The following ROBO2 variants were observed in gnomAD, a reference collection of about 807,000 sequenced individuals.
ROBO2 encodes the protein roundabout guidance receptor 2.
A neutral mutation model predicts 160.8 loss-of-function variants in ROBO2; 53 were observed. The ratio of observed to expected loss-of-function variants is 0.33; its 90% confidence interval spans 0.26 to 0.41. ROBO2 has a LOEUF of 0.41. Among genes scored for constraint, ROBO2 ranks in the 10% least tolerant of loss-of-function variants. The pLI, the probability that ROBO2 is intolerant of heterozygous loss-of-function variation, is 1.00. For synonymous variants in ROBO2, 664 were observed against 611.7 expected, an observed-to-expected ratio of 1.09 and a Z score of -1.26; for missense variants, 1,577 against 1,722.4, an observed-to-expected ratio of 0.92 and a Z score of 1.49.
intron 5 of ROBO2, among the ~76,000 whole-genome samples, chr3:77,510,446 C>T (rs891414577): frequency 6.6e-6 from 1 of 151,886 alleles, no homozygotes; most frequent in Admixed American, 6.6e-5. Context: ...GACATTTGAA[C>T]CTCAGATTTC....
intron 1 of ROBO2, among the ~76,000 whole-genome samples, chr3:77,070,506 T>C (rs2067296318): frequency 6.6e-6 from 1 of 152,138 alleles, no homozygotes; most frequent in Non-Finnish European, 1.5e-5. Flanking sequence ...CATCCTTCCC[T>C]TAATTATAGA....
intron 2 of ROBO2, among the ~76,000 whole-genome samples, chr3:76,785,000 G>C (rs924493392): frequency 2.6e-5 from 4 of 151,190 alleles, no homozygotes; most frequent in Admixed American, 1.3e-4. Context: ...AAATCACTCA[G>C]TTGTACTTTG....
chr3:77,521,387 T>G (rs1177252189), intron 5 of ROBO2, among the ~76,000 whole-genome samples: 1 of 151,228 alleles, frequency 6.6e-6, no homozygotes, highest in Non-Finnish European at 1.5e-5. Context: ...TCTGCCTTCA[T>G]CAAAATAGAT....
intron 6 of ROBO2, among the ~76,000 whole-genome samples, chr3:77,532,437 C>T (rs925730880): frequency 2.6e-5 from 4 of 152,102 alleles, no homozygotes; most frequent in African/African-American, 9.7e-5. Context: ...CAACAAGCCA[C>T]TTGAATCTGC....
intron 6 of ROBO2, among the ~76,000 whole-genome samples, chr3:77,532,968 T>C (rs2091856393): frequency 6.6e-6 from 1 of 152,166 alleles, no homozygotes; most frequent in South Asian, 2.1e-4. Flanking sequence ...ATGAATTAAA[T>C]AAGTAATTGG....
intron 1 of ROBO2, among the ~76,000 whole-genome samples, chr3:77,042,468 T>G (rs2064197386): frequency 6.6e-6 from 1 of 152,202 alleles, no homozygotes; most frequent in Non-Finnish European, 1.5e-5. Context: ...ACTACAAAAT[T>G]ATCACCAAGG....
chr3:77,277,107 A>C (rs1427284597), intron 2 of ROBO2, among the ~76,000 whole-genome samples: 1 of 151,610 alleles, frequency 6.6e-6, no homozygotes, highest in Non-Finnish European at 1.5e-5. Flanking sequence ...GAGAGAGAGA[A>C]ATAAAAATGC....
chr3:77,019,382 C>T (rs1311350112), intron 2 of ROBO2, among the ~76,000 whole-genome samples: 1 of 152,168 alleles, frequency 6.6e-6, no homozygotes, highest in Non-Finnish European at 1.5e-5. Flanking sequence ...CGCAGGACAT[C>T]ATCATCCCCC....
chr3:76,708,757 A>G (rs957139194), intron 2 of ROBO2, among the ~76,000 whole-genome samples: 2 of 152,226 alleles, frequency 1.3e-5, no homozygotes, highest in Admixed American at 1.3e-4. Context: ...CTCTGGCAGA[A>G]CCAGAATGAA....
intron 1 of ROBO2, among the ~76,000 whole-genome samples, chr3:77,066,746 A>G (rs1317911178): frequency 1.3e-5 from 2 of 152,092 alleles, no homozygotes; most frequent in Non-Finnish European, 2.9e-5. Flanking sequence ...TAGGCAATCT[A>G]AAGAATTTGT....
chr3:76,689,808 A>T (rs569761530), intron 2 of ROBO2, among the ~76,000 whole-genome samples: 1 of 152,110 alleles, frequency 6.6e-6, no homozygotes, highest in South Asian at 2.1e-4. Context: ...TTGCCCATCC[A>T]GTTCCCCGTT....
chr3:76,027,286 A>G (rs1286460932), intron 2 of ROBO2, among the ~76,000 whole-genome samples: 1 of 151,864 alleles, frequency 6.6e-6, no homozygotes, highest in Non-Finnish European at 1.5e-5. Context: ...TACAAAGAGC[A>G]TATTCTTGTA....
chr3:76,130,986 A>G (rs1306207210), intron 2 of ROBO2, among the ~76,000 whole-genome samples: 3 of 152,152 alleles, frequency 2.0e-5, no homozygotes, highest in South Asian at 4.1e-4. Flanking sequence ...CACTCCAAAA[A>G]TGCTTGTGAT....
In ROBO2 at chr3:76,961,006, T is replaced by C. The variant is rs112226880; in HGVS notation, c.110-137008T>C. On this transcript the variant is annotated intron_variant, in intron 2 of 26. Transcript: ENST00000487694. ...GCAATTTGTGTATCCAGTGGTATTA[T>C]TGAATGTAAAGTCTTTTATATAAGC... 3.8e-3 allele frequency among the ~76,000 whole-genome samples: 585 copies of C among 152,234 alleles called. 3 individuals are homozygous for C. Among genetic ancestry groups the C allele is most frequent in the African/African-American group, 0.013 (532 of 41,554 alleles).
At chr3:76,829,887 C>T (rs1180436037) in intron 2 of ROBO2, among the ~76,000 whole-genome samples, 2 of 152,076 alleles carry the variant, frequency 1.3e-5, no homozygotes, top group African/African-American at 2.4e-5. Context: ...AGGTTGGTTT[C>T]GAACCTCTGA....
chr3:76,744,759 T>A (rs143261371), intron 2 of ROBO2, among the ~76,000 whole-genome samples: 2,100 of 132,656 alleles, frequency 0.016, 54 homozygotes, highest in African/African-American at 0.059. Flanking sequence ...TTAAAAAAAA[T>A]CTACTAAAAA....
intron 2 of ROBO2, among the ~76,000 whole-genome samples, chr3:76,304,768 T>C (rs1259279619): frequency 6.6e-6 from 1 of 150,678 alleles, no homozygotes; most frequent in Non-Finnish European, 1.5e-5. Context: ...CTTTCTTTCT[T>C]TCTTTCTTTC....
intron 2 of ROBO2, among the ~76,000 whole-genome samples, chr3:76,305,372 C>A (rs1381312518): frequency 4.2e-5 from 4 of 95,982 alleles, no homozygotes; most frequent in Non-Finnish European, 7.2e-5. Flanking sequence ...GCCTGGGTGA[C>A]AGAGCAAGAT....
intron 2 of ROBO2, among the ~76,000 whole-genome samples, chr3:76,561,118 A>C (rs2084161280): frequency 6.6e-6 from 1 of 151,720 alleles, no homozygotes; most frequent in African/African-American, 2.4e-5. Flanking sequence ...CTGAAAAAAT[A>C]TATACATATG....
Sources: gnomAD v4.1 joint callset for allele counts (sites outside exome capture counted in the v4.1 genomes callset) on GRCh38, gnomAD v4.1.1 for gene constraint, MANE v1.5 for transcripts, NCBI Gene and HGNC (gene_info 2026-07-23, HGNC 2026-07-21) for gene names.